The following VSIR variants were observed in gnomAD, a reference collection of about 807,000 sequenced individuals.
The protein encoded by VSIR is V-set immunoregulatory receptor.
Under a neutral mutation model 31.0 loss-of-function variants are expected in VSIR, and 10 were observed. That is an observed-to-expected ratio of 0.32 (90% CI 0.20 to 0.55). VSIR has a LOEUF of 0.55. Among genes scored for constraint, VSIR ranks in the 20% least tolerant of loss-of-function variants. The probability of loss-of-function intolerance (pLI) is 0.93; values close to 1 mark genes in which losing one functional copy is unlikely to be tolerated. For missense variants in VSIR, 356 were observed against 416.2 expected (o/e 0.86, Z 1.26); for synonymous variants, 179 against 180.1 (o/e 0.99, Z 0.05).
intron 1 of VSIR, among the ~76,000 whole-genome samples, chr10:71,765,459 G>A (rs1003169074): frequency 1.3e-5 from 2 of 152,228 alleles, no homozygotes; most frequent in South Asian, 2.1e-4. Context: ...GGACAGAGGT[G>A]TGGACAAGTG....
At chr10:71,754,989 C>A (rs1339035350) in intron 4 of VSIR, 1 of 432,896 alleles carries the variant, frequency 2.3e-6, no homozygotes, top group Non-Finnish European at 4.7e-6. Flanking sequence ...ACAATTGCTA[C>A]TAATTACAAA....
intron 1 of VSIR, among the ~76,000 whole-genome samples, chr10:71,764,230 C>T (rs573783277): frequency 1.3e-5 from 2 of 152,264 alleles, no homozygotes; most frequent in South Asian, 4.1e-4. Flanking sequence ...ATGTGTTGTG[C>T]ACTACGCTAA....
At chr10:71,765,490 CTGA>C (rs1840514694) in intron 1 of VSIR, among the ~76,000 whole-genome samples, 1 of 152,144 alleles carries the variant, frequency 6.6e-6, no homozygotes, top group South Asian at 2.1e-4. Flanking sequence ...GGTTGTTGGC[CTGA>C]GTGTCCCTGT....
At chr10:71,760,006 T>TATATACACACACAC (rs1840288447) in intron 3 of VSIR, among the ~76,000 whole-genome samples, 1 of 85,708 alleles carries the variant, frequency 1.2e-5, no homozygotes, top group Non-Finnish European at 2.7e-5. Context: ...CACATACATA[T>TATATACACACACAC]ATATACACAC....
chr10:71,760,982 G>C (rs370808519), intron 2 of VSIR, 58 bp from the exon 3 acceptor site: 5 of 1,549,268 alleles, frequency 3.2e-6, no homozygotes, highest in African/African-American at 2.7e-5. Context: ...GGCCAGGGAG[G>C]CTTGTCCAGG....
At chr10:71,754,798 G>A (rs1468089867) in intron 4 of VSIR, among the ~76,000 whole-genome samples, 1 of 152,170 alleles carries the variant, frequency 6.6e-6, no homozygotes, top group African/African-American at 2.4e-5. Flanking sequence ...CCTGGAAAGA[G>A]CATGCGTTGA....
In VSIR at chr10:71,751,614, C is replaced by T; in HGVS notation, c.898+54G>A. 6.7e-7 allele frequency: 1 copy of T among 1,494,060 alleles called. No individual in the cohort carries two copies. Among genetic ancestry groups the T allele is most frequent in the Non-Finnish European group, 8.9e-7 (1 of 1,118,092 alleles). 92.6% of individuals were successfully genotyped at this position (1,494,060 alleles called of 1,614,324 possible). On this transcript the variant is annotated intron_variant, in intron 6 of 6. Transcript: ENST00000394957. The surrounding 1 kb of genome is among the most constrained non-coding windows in gnomAD (Gnocchi z 4.9). The stretch of plus-strand genomic sequence containing the variant: ...GGAGTGAGGCCGATGCCCTGCAGGC[C>T]ATGAGGTCATGACCTTACAGGTCAT...
rs1289055534 is a variant in VSIR, at chr10:71,759,820, T to TACACACACACACAC, written c.568+1034_568+1047dup. ...GAGTGAAACCGTGTTTCAGAAAATATACACACACACACACACACACACACA... is the reference window on the plus strand; with the variant it reads ...GAGTGAAACCGTGTTTCAGAAAATATACACACACACACACACACACACACACACACACACACACA... On this transcript the variant is annotated intron_variant, in intron 3 of 6. Coordinates refer to ENST00000394957, the MANE Select transcript of VSIR (RefSeq NM_022153.2). Among the ~76,000 whole-genome samples the TACACACACACACAC allele has an allele frequency of 7.5e-4, 64 of 85,332 alleles. 3 individuals carry two copies. Among genetic ancestry groups the TACACACACACACAC allele is most frequent in the Non-Finnish European group, 1.2e-3 (49 of 39,302 alleles). 56.0% of individuals were successfully genotyped at this position (85,332 alleles called of 152,430 possible).
At chr10:71,762,785 C>T (rs1222753229) in intron 1 of VSIR, among the ~76,000 whole-genome samples, 1 of 152,168 alleles carries the variant, frequency 6.6e-6, no homozygotes. Context: ...TCTGAGGGAC[C>T]GGGACAGAGA....
At chr10:71,754,318 G>A (rs1840078764) in intron 4 of VSIR, among the ~76,000 whole-genome samples, 1 of 147,964 alleles carries the variant, frequency 6.8e-6, no homozygotes, top group Non-Finnish European at 1.5e-5. Flanking sequence ...CCCACTATGG[G>A]GCTTCACGTG....
chr10:71,769,934 T>C (rs1394351150), intron 1 of VSIR, among the ~76,000 whole-genome samples: 1 of 152,134 alleles, frequency 6.6e-6, no homozygotes, highest in African/African-American at 2.4e-5. Flanking sequence ...AGGCTTGCCT[T>C]CAAGTTGCAA....
chr10:71,765,935 A>G (rs1840531205), intron 1 of VSIR, among the ~76,000 whole-genome samples: 1 of 152,148 alleles, frequency 6.6e-6, no homozygotes. Context: ...AGGGAAGGCC[A>G]GAAAACACCC....
At chr10:71,763,034 C>T (rs1223526035) in intron 1 of VSIR, among the ~76,000 whole-genome samples, 1 of 152,170 alleles carries the variant, frequency 6.6e-6, no homozygotes, top group Non-Finnish European at 1.5e-5. Flanking sequence ...CTCCTCTGTG[C>T]AGTGAGAAAA....
chr10:71,755,330 A>AC, intron 4 of VSIR, 29 bp downstream of exon 4: 1 of 1,589,450 alleles, frequency 6.3e-7, no homozygotes, highest in Non-Finnish European at 8.6e-7. Context: ...CGCACCGTCC[A>AC]CCCACCCCAG....
chr10:71,758,711 G>A (rs563932568), intron 3 of VSIR, among the ~76,000 whole-genome samples: 3 of 152,272 alleles, frequency 2.0e-5, no homozygotes, highest in South Asian at 4.1e-4. Flanking sequence ...AGATGGTGAT[G>A]CCTACTTCAT....
Position 71,751,198 on chromosome 10 carries a change from C to T in VSIR, c.*55G>A, listed in dbSNP as rs1839988294. 4 of 1,575,782 alleles carry T rather than the reference C, an allele frequency of 2.5e-6. No individual in the cohort carries two copies. Among genetic ancestry groups the T allele is most frequent in the Admixed American group, 1.8e-5 (1 of 56,072 alleles). On this transcript the variant is annotated 3_prime_UTR_variant, in exon 7 of 7. Transcript: ENST00000394957. The surrounding 1 kb of genome is among the most constrained non-coding windows in gnomAD (Gnocchi z 4.9). ...AGGCCACTCACAGAGCCAGCCCTGGCTCAAATGCACCTGCCCCAGACCCAG... is the reference window on the plus strand; with the variant it reads ...AGGCCACTCACAGAGCCAGCCCTGGTTCAAATGCACCTGCCCCAGACCCAG...
chr10:71,761,446 C>G, intron 2 of VSIR, 152 bp downstream of exon 2: 1 of 954,846 alleles, frequency 1.0e-6, no homozygotes, highest in Non-Finnish European at 1.5e-6. Flanking sequence ...TCCACACACC[C>G]TTGACCACCC....
chr10:71,768,407 G>A (rs113650025), intron 1 of VSIR, among the ~76,000 whole-genome samples: 2,669 of 152,226 alleles, frequency 0.018, 89 homozygotes, highest in African/African-American at 0.062. Context: ...CTGACCTCAT[G>A]TGATCCACCC....
chr10:71,752,896 G>A, intron 5 of VSIR, 79 bp downstream of exon 5: 2 of 1,525,002 alleles, frequency 1.3e-6, no homozygotes, highest in Non-Finnish European at 1.8e-6. Flanking sequence ...AGCTAAACAG[G>A]GCCCCTACTG....
Sources: allele counts gnomAD v4.1 joint callset (sites outside exome capture counted in the v4.1 genomes callset), GRCh38; gene constraint gnomAD v4.1.1; non-coding constraint Gnocchi (gnomAD v3.1); transcripts MANE v1.5; gene names NCBI Gene and HGNC (gene_info 2026-07-23, HGNC 2026-07-21).